The following ATXN10 variants were observed in gnomAD, a reference collection of about 807,000 sequenced individuals.
ATXN10 encodes the protein ataxin 10, also known as ataxin-10.
Under a neutral mutation model 52.9 loss-of-function variants are expected in ATXN10, and 28 were observed. That is an observed-to-expected ratio of 0.53 (90% confidence interval 0.39 to 0.73). The LOEUF (loss-of-function observed/expected upper bound fraction) is 0.73. Ranked by LOEUF, ATXN10 falls within the 30% of genes least tolerant of loss-of-function variation. The probability of loss-of-function intolerance (pLI) is 0.00; values close to 1 mark genes in which losing one functional copy is unlikely to be tolerated. For synonymous variants in ATXN10, 226 were observed against 221.5 expected (o/e 1.02, Z -0.18); for missense variants, 565 against 577.0 (o/e 0.98, Z 0.21).
chr22:45,738,040 T>A (rs572143878), intron 7 of ATXN10, among the ~76,000 whole-genome samples: 1 of 152,170 alleles, frequency 6.6e-6, no homozygotes, highest in African/African-American at 2.4e-5. Flanking sequence ...ACTTTAAAAA[T>A]GGGGTTCAAA....
In ATXN10 at chr22:45,824,509, A is replaced by G. The variant is rs1349200542; in HGVS notation, c.1237+17487A>G. 6.6e-6 allele frequency among the ~76,000 whole-genome samples: 1 copy of G among 152,186 alleles called. No homozygotes were observed. The highest frequency in any genetic ancestry group is 2.4e-5 in the African/African-American group (1 of 41,434). Reference sequence around the variant, plus strand: ...CATCTCTGCTGTGTCCCCCTTCCATAGTGATTGTCTTTACTTTCCATCCCT... The same window carrying G: ...CATCTCTGCTGTGTCCCCCTTCCATGGTGATTGTCTTTACTTTCCATCCCT... On this transcript the variant is annotated intron_variant, in intron 10 of 11. Transcript: ENST00000252934. The surrounding 1 kb of genome is among the most constrained non-coding windows in gnomAD (Gnocchi z 5.2).
intron 5 of ATXN10, among the ~76,000 whole-genome samples, chr22:45,707,457 A>G (rs1924085255): frequency 2.0e-5 from 3 of 152,152 alleles, no homozygotes; most frequent in Admixed American, 2.0e-4. Context: ...CTTTGTATGC[A>G]AATGTAACAT....
At chr22:45,721,145 T>A (rs1255810299) in intron 6 of ATXN10, among the ~76,000 whole-genome samples, 3 of 152,178 alleles carry the variant, frequency 2.0e-5, no homozygotes, top group Admixed American at 6.5e-5. Flanking sequence ...GGTGGGGAAA[T>A]TTTGGATATA....
chr22:45,697,855 C>T (rs551508399), intron 3 of ATXN10, among the ~76,000 whole-genome samples: 2 of 152,226 alleles, frequency 1.3e-5, no homozygotes, highest in East Asian at 1.9e-4. Flanking sequence ...TGGTCTCGAT[C>T]TCCTGACCTT....
intron 10 of ATXN10, among the ~76,000 whole-genome samples, chr22:45,808,514 A>C (rs1457115248): frequency 6.6e-6 from 1 of 152,228 alleles, no homozygotes; most frequent in Non-Finnish European, 1.5e-5. Context: ...CCAGATGGCC[A>C]TCCGTTCATT....
Position 45,740,472 on chromosome 22 carries a change from G to C in ATXN10, c.1107G>C (p.Gly369=), listed in dbSNP as rs1210897237. Residue 369 remains glycine (G), a synonymous_variant, in exon 9 of 12, where the codon GGG becomes GGC. Coordinates refer to ENST00000252934, the MANE Select transcript of ATXN10 (RefSeq NM_013236.4). ...AEGDISNVAN[G]FKSHLIRLIG... ...GTGACATCTCCAATGTGGCCAATGG[G>C]TTTAAGTCTCATCTCATTCGTCTGA... 17 of 1,613,876 alleles carry C rather than the reference G, an allele frequency of 1.1e-5. No homozygotes were observed. The highest frequency in any genetic ancestry group is 1.4e-5 in the Non-Finnish European group (16 of 1,179,908).
At chr22:45,685,633 A>G (rs1398961588) in intron 1 of ATXN10, among the ~76,000 whole-genome samples, 4 of 152,244 alleles carry the variant, frequency 2.6e-5, no homozygotes, top group African/African-American at 4.8e-5. Flanking sequence ...TACTAGGACT[A>G]TTCTGGATCT....
Position 45,843,099 on chromosome 22 carries a change from T to G in ATXN10, c.1346T>G (p.Leu449Arg). The part of the protein sequence containing the change: ...MEEQGLADAS[L>R]LKKVGFEVEK... Reference sequence around the variant, plus strand: ...GAACAGGGGCTGGCAGATGCATCCCTACTTAAAAAAGTGGGTTTTGAAGTT... The same window carrying G: ...GAACAGGGGCTGGCAGATGCATCCCGACTTAAAAAAGTGGGTTTTGAAGTT... Residue 449 changes from leucine to arginine, a missense_variant, in exon 11 of 12, where the codon CTA (leucine) becomes CGA (arginine). By Grantham distance (102) the Leu-to-Arg change is moderately radical (BLOSUM62 -2). Coordinates refer to ENST00000252934, the MANE Select transcript of ATXN10 (RefSeq NM_013236.4). This position sits in a 1 kb window ranked among gnomAD's most constrained non-coding sequence, Gnocchi z 4.5. The G allele has an allele frequency of 6.2e-7, 1 of 1,614,224 alleles. No individual in the cohort carries two copies. Among genetic ancestry groups the G allele is most frequent in the East Asian group, 2.2e-5 (1 of 44,894 alleles).
At chr22:45,694,940 C>CA (rs748780048) in intron 3 of ATXN10, among the ~76,000 whole-genome samples, 1,672 of 21,584 alleles carry the variant, frequency 0.077, 178 homozygotes, top group East Asian at 0.15. Flanking sequence ...GACTCTGTCT[C>CA]AAAAAAAAAA....
intron 10 of ATXN10, among the ~76,000 whole-genome samples, chr22:45,812,535 G>T (rs921685066): frequency 3.9e-5 from 6 of 152,118 alleles, no homozygotes; most frequent in Non-Finnish European, 7.4e-5. Context: ...TCTTTGACTC[G>T]GGTAAATTAA....
At position 45,770,115 on chromosome 22, in the gene ATXN10, G is replaced by A. The variant is rs1427107746; in HGVS notation, c.1173+29577G>A. Among the ~76,000 whole-genome samples the A allele has an allele frequency of 6.6e-6, 1 of 152,146 alleles. No homozygotes were observed. The highest frequency in any genetic ancestry group is 2.4e-5 in the African/African-American group (1 of 41,440). ...GTGTCAAGCTCTGTGCTTTCTGTAT[G>A]CCATTTACCTAGGAGAGGTGTTACT... is the stretch of plus-strand genomic sequence containing the variant. On this transcript the variant is annotated intron_variant, in intron 9 of 11. Transcript: ENST00000252934. The surrounding 1 kb of genome is among the most constrained non-coding windows in gnomAD (Gnocchi z 4.5).
rs1389129753 is a variant in ATXN10, at chr22:45,690,669, TC to T, written c.308+767del. Among the ~76,000 whole-genome samples the T allele has an allele frequency of 6.6e-6, 1 of 152,212 alleles. No individual in the cohort carries two copies. The highest frequency in any genetic ancestry group is 1.9e-4 in the East Asian group (1 of 5,198). ...CAAGATGACCTGTCTTTCCTAAAGA[TC>T]ATGTAAAGTTCCAAGCTCTGCTTCC... On this transcript the variant is annotated intron_variant, in intron 2 of 11. Coordinates refer to ENST00000252934, the MANE Select transcript of ATXN10 (RefSeq NM_013236.4). This position sits in a 1 kb window ranked among gnomAD's most constrained non-coding sequence, Gnocchi z 4.5.
chr22:45,744,157 T>C lies in ATXN10; in HGVS notation c.1173+3619T>C, dbSNP rs572746586. On this transcript the variant is annotated intron_variant, in intron 9 of 11. Coordinates refer to ENST00000252934, the MANE Select transcript of ATXN10 (RefSeq NM_013236.4). The surrounding 1 kb of genome is among the most constrained non-coding windows in gnomAD (Gnocchi z 4.9). ...GTAATTCAGGCAAGGTATTAATATC[T>C]TCTGTGGAGCTTCCATTCTGGCATC... Among the ~76,000 whole-genome samples, 1 of 152,214 alleles carries C rather than the reference T, an allele frequency of 6.6e-6. No individual in the cohort carries two copies. Among genetic ancestry groups the C allele is most frequent in the African/African-American group, 2.4e-5 (1 of 41,454 alleles).
At chr22:45,765,382 A>G (rs1312493547) in intron 9 of ATXN10, among the ~76,000 whole-genome samples, 1 of 152,168 alleles carries the variant, frequency 6.6e-6, no homozygotes, top group African/African-American at 2.4e-5. Context: ...TTTGCCAGTC[A>G]TTAGAAATTA....
chr22:45,811,090 T>C (rs1928265100), intron 10 of ATXN10, among the ~76,000 whole-genome samples: 2 of 152,226 alleles, frequency 1.3e-5, no homozygotes, highest in Admixed American at 1.3e-4. Context: ...TACTTTGATT[T>C]ATCAGAGAGG....
rs1246752963 is a variant in ATXN10 at position 45,786,247 on chromosome 22, T to A, written c.1174-20712T>A. Among the ~76,000 whole-genome samples the A allele has an allele frequency of 2.0e-5, 3 of 152,224 alleles. No individual in the cohort carries two copies. The highest frequency in any genetic ancestry group is 1.3e-4 in the Admixed American group (2 of 15,286). ...ACTTTAAGAGCCTCTGCCATTACTA[T>A]TCTTGAAAAGCATCTTTATTTTGTC... On this transcript the variant is annotated intron_variant, in intron 9 of 11. Transcript: ENST00000252934. This position sits in a 1 kb window ranked among gnomAD's most constrained non-coding sequence, Gnocchi z 4.1.
Position 45,840,902 on chromosome 22 carries a change from C to T in ATXN10, c.1238-2089C>T, listed in dbSNP as rs1929326611. 6.6e-6 allele frequency among the ~76,000 whole-genome samples: 1 copy of T among 152,202 alleles called. No homozygotes were observed. Among genetic ancestry groups the T allele is most frequent in the South Asian group, 2.1e-4 (1 of 4,838 alleles). On this transcript the variant is annotated intron_variant, in intron 10 of 11. Coordinates refer to ENST00000252934, the MANE Select transcript of ATXN10 (RefSeq NM_013236.4). This position sits in a 1 kb window ranked among gnomAD's most constrained non-coding sequence, Gnocchi z 5.8. Reference sequence around the variant, plus strand: ...AAATTCCCCAGTCTTACATTTCTTGCTCCTTGAGTCAGTTCTTTTCATAAT... The same window carrying T: ...AAATTCCCCAGTCTTACATTTCTTGTTCCTTGAGTCAGTTCTTTTCATAAT...
In ATXN10 at chr22:45,780,527, C is replaced by T. The variant is rs2146852703; in HGVS notation, c.1174-26432C>T. Among the ~76,000 whole-genome samples, 1 of 152,306 alleles carries T rather than the reference C, an allele frequency of 6.6e-6. No homozygotes were observed. Among genetic ancestry groups the T allele is most frequent in the East Asian group, 1.9e-4 (1 of 5,186 alleles). ...GGCCCTGCTGTGGAGTGGATGTGAA[C>T]CTGTGCCAGCCTGTTTCCCCCTCTG... On this transcript the variant is annotated intron_variant, in intron 9 of 11. Transcript: ENST00000252934. The surrounding 1 kb of genome is among the most constrained non-coding windows in gnomAD (Gnocchi z 4.0).
chr22:45,710,761 G>A (rs1741650772), intron 5 of ATXN10, among the ~76,000 whole-genome samples: 1 of 152,218 alleles, frequency 6.6e-6, no homozygotes, highest in African/African-American at 2.4e-5. Flanking sequence ...AGTTGTGACA[G>A]AGACCATTTG....
Sources: gnomAD v4.1 joint callset for allele counts (sites outside exome capture counted in the v4.1 genomes callset) on GRCh38, gnomAD v4.1.1 for gene constraint, Gnocchi (gnomAD v3.1) non-coding constraint, MANE v1.5 for transcripts, NCBI Gene and HGNC (gene_info 2026-07-23, HGNC 2026-07-21) for gene names.